TCHP: variants seen among roughly 807,000 people sequenced by gnomAD.
TCHP encodes the protein trichoplein keratin filament-binding protein.
A neutral mutation model predicts 88.7 loss-of-function variants in TCHP; 81 were observed. The observed-to-expected ratio is 0.91, with a 90% CI of 0.76 to 1.10. The LOEUF is 1.10. Ranked by LOEUF, TCHP falls within the 50% of genes least tolerant of loss-of-function variation. The pLI, the probability that TCHP is intolerant of heterozygous loss-of-function variation, is 0.00. For synonymous variants in TCHP, 232 were observed against 232.5 expected (o/e 1.00, Z 0.02); for missense variants, 641 against 632.1 (o/e 1.01, Z -0.15).
chr12:109,910,865 G>A (rs1231934057), intron 8 of TCHP, among the ~76,000 whole-genome samples, 198 bp from the exon 9 acceptor site: 1 of 152,204 alleles, frequency 6.6e-6, no homozygotes, highest in African/African-American at 2.4e-5. Flanking sequence ...GGCCTGTGCA[G>A]TGTCTGAACC....
intron 3 of TCHP, 94 bp downstream of exon 3, chr12:109,904,241 C>T (rs2136068769): frequency 4.4e-6 from 5 of 1,143,704 alleles, no homozygotes; most frequent in Non-Finnish European, 6.3e-6. Flanking sequence ...GTGCTCAGGT[C>T]TGATGAGATG....
intron 8 of TCHP, 32 bp from the exon 9 acceptor site, chr12:109,911,031 C>T: frequency 6.6e-7 from 1 of 1,515,336 alleles, no homozygotes. Context: ...CTCTGTCCAG[C>T]CCAGCCACGT....
At chr12:109,899,329 C>A (rs1221764043), upstream of TCHP, among the ~76,000 whole-genome samples, 1 of 152,166 alleles carries the variant, frequency 6.6e-6, no homozygotes, top group South Asian at 2.1e-4. Context: ...GAACTCACCA[C>A]CAATATAAGA....
intron 5 of TCHP, among the ~76,000 whole-genome samples, 176 bp from the exon 6 acceptor site, chr12:109,907,350 G>A (rs928219526): frequency 4.6e-5 from 7 of 152,328 alleles, no homozygotes; most frequent in African/African-American, 7.2e-5. Flanking sequence ...TTTGTTGAGT[G>A]GGGAGGAAAC....
chr12:109,915,588 G>A (rs749901671), intron 12 of TCHP, 42 bp downstream of exon 12: 9 of 1,568,966 alleles, frequency 5.7e-6, no homozygotes, highest in Admixed American at 5.4e-5. Flanking sequence ...CGGCAAGACA[G>A]ACTCTGCCCG....
chr12:109,898,301 C>T (rs1229059316), upstream of TCHP, among the ~76,000 whole-genome samples: 2 of 152,230 alleles, frequency 1.3e-5, no homozygotes, highest in African/African-American at 4.8e-5. Flanking sequence ...CCCCCGTCTC[C>T]TCGGTTGAGG....
In TCHP at chr12:109,900,345, AC is replaced by A. The variant is rs1260932922; in HGVS notation, c.-80del. 6.6e-6 allele frequency: 1 copy of A among 152,046 alleles called. No homozygotes were observed. Among genetic ancestry groups the A allele is most frequent in the Non-Finnish European group, 1.5e-5 (1 of 68,012 alleles). 9.4% of individuals were successfully genotyped at this position (152,046 alleles called of 1,614,324 possible). A position where few individuals can be genotyped will look rare whatever the true frequency, so the allele number is the denominator to read the frequency against. Reference sequence around the variant, plus strand: ...TTGCTGTAGCGCGTCTGGGAATTACACCGGGGGACTGGCCGGCCCGCTTCGT... The same window carrying A: ...TTGCTGTAGCGCGTCTGGGAATTACACGGGGGACTGGCCGGCCCGCTTCGT... On this transcript the variant is annotated 5_prime_UTR_variant, in exon 1 of 13. Transcript: ENST00000405876.
the TCHP span, among the ~76,000 whole-genome samples, chr12:109,887,472 G>A: frequency 6.8e-6 from 1 of 147,150 alleles, no homozygotes; most frequent in Admixed American, 6.8e-5. Context: ...ATTCTAATTT[G>A]TCTCTATGGG....
In TCHP at chr12:109,912,985, G is replaced by T. The variant is rs777035699; in HGVS notation, c.1053-6G>T. The T allele has an allele frequency of 3.1e-6, 5 of 1,613,678 alleles. No individual in the cohort carries two copies. Among genetic ancestry groups the T allele is most frequent in the Non-Finnish European group, 4.2e-6 (5 of 1,179,900 alleles). ...GCCTGCTGTCATCCCTTTTGTGTTT[G>T]CCCAGGGAGGAGGCCAAGGAGATGT... is the stretch of plus-strand genomic sequence containing the variant. On this transcript the variant is annotated splice_region_variant and splice_polypyrimidine_tract_variant and intron_variant, in intron 9 of 12. Coordinates refer to ENST00000405876, the MANE Select transcript of TCHP (RefSeq NM_001143852.2).
At chr12:109,908,269 A>G (rs1305379457) in intron 6 of TCHP, among the ~76,000 whole-genome samples, 1 of 152,226 alleles carries the variant, frequency 6.6e-6, no homozygotes, top group Non-Finnish European at 1.5e-5. Context: ...AACTAGAGAT[A>G]GAGCCTGACC....
Position 109,903,031 on chromosome 12 carries a change from C to T in TCHP, c.5C>T (p.Ala2Val), listed in dbSNP as rs145451565. The T allele has an allele frequency of 1.6e-4, 255 of 1,593,726 alleles. No homozygotes were observed. The highest frequency in any genetic ancestry group is 2.1e-4 in the Non-Finnish European group (241 of 1,169,446). ...TCCTCCCATTCCTGTTCTCAGATGG[C>T]GCTCCCGACGCTGCCGTCCTACTGG... is the stretch of plus-strand genomic sequence containing the variant. Reference protein sequence around the residue: MALPTLPSYWCS... With the variant: MVLPTLPSYWCS... Residue 2 changes from alanine to valine, a missense_variant, in exon 2 of 13, where the codon GCG (alanine) becomes GTG (valine). By Grantham distance (64) the Ala-to-Val change is moderately conservative. Transcript: ENST00000405876. This position sits in a 1 kb window ranked among gnomAD's most constrained non-coding sequence, Gnocchi z 4.6.
chr12:109,908,333 G>A (rs1870263295), intron 6 of TCHP, among the ~76,000 whole-genome samples: 1 of 152,224 alleles, frequency 6.6e-6, no homozygotes, highest in Admixed American at 6.5e-5. Flanking sequence ...GAGGACAGTT[G>A]TTAAGTTACA....
In TCHP at chr12:109,916,648, G is replaced by A. The variant is rs751474160; in HGVS notation, c.*25G>A. The A allele has an allele frequency of 5.6e-6, 9 of 1,611,084 alleles. No individual in the cohort carries two copies. In the South Asian group the frequency reaches 7.7e-5, roughly 14 times the overall value. On this transcript the variant is annotated 3_prime_UTR_variant, in exon 13 of 13. Coordinates refer to ENST00000405876, the MANE Select transcript of TCHP (RefSeq NM_001143852.2). Reference sequence around the variant, plus strand: ...ACTTCATGGGTACCATAAGTACAGAGAACAAGGGATGCTGAGGCTTCTGAT... The same window carrying A: ...ACTTCATGGGTACCATAAGTACAGAAAACAAGGGATGCTGAGGCTTCTGAT...
At chr12:109,887,254 T>A in the TCHP span, among the ~76,000 whole-genome samples, 7 of 151,760 alleles carry the variant, frequency 4.6e-5, no homozygotes, top group Non-Finnish European at 1.0e-4. Context: ...AAACTCTGTC[T>A]CTACTAAAAA....
intron 1 of TCHP, among the ~76,000 whole-genome samples, chr12:109,901,487 C>T (rs1258961325): frequency 6.6e-6 from 1 of 152,152 alleles, no homozygotes; most frequent in Non-Finnish European, 1.5e-5. Flanking sequence ...AAGGAGTTAA[C>T]TTGTGTAAGC....
At chr12:109,909,407 T>G (rs762096852) in intron 8 of TCHP, among the ~76,000 whole-genome samples, 18 of 152,248 alleles carry the variant, frequency 1.2e-4, no homozygotes, top group Non-Finnish European at 2.4e-4. Flanking sequence ...GGTGCCTGTT[T>G]AGTTCACATC....
the TCHP span, among the ~76,000 whole-genome samples, chr12:109,884,190 T>C: frequency 6.6e-6 from 1 of 152,054 alleles, no homozygotes; most frequent in Admixed American, 6.5e-5. Flanking sequence ...AAAAAATCTT[T>C]TTTTTTTCTT....
chr12:109,887,089 T>G, the TCHP span, among the ~76,000 whole-genome samples: 1 of 152,180 alleles, frequency 6.6e-6, no homozygotes, highest in African/African-American at 2.4e-5. Context: ...CATGTCTATG[T>G]TTATCTATAT....
chr12:109,907,014 C>G (rs116309214), intron 5 of TCHP, among the ~76,000 whole-genome samples: 1 of 152,138 alleles, frequency 6.6e-6, no homozygotes, highest in Non-Finnish European at 1.5e-5. Flanking sequence ...CTCAGCCTCC[C>G]GAGTAGCTAG....
Sources: gnomAD v4.1 joint callset for allele counts (sites outside exome capture counted in the v4.1 genomes callset) on GRCh38, gnomAD v4.1.1 for gene constraint, Gnocchi (gnomAD v3.1) non-coding constraint, MANE v1.5 for transcripts, NCBI Gene and HGNC (gene_info 2026-07-23, HGNC 2026-07-21) for gene names.